The following CNTNAP5 variants were observed in gnomAD, a reference collection of about 807,000 sequenced individuals.
The protein encoded by CNTNAP5 is contactin associated protein family member 5, also known as contactin-associated protein-like 5.
A neutral mutation model predicts 150.2 loss-of-function variants in CNTNAP5; 72 were observed. The observed-to-expected ratio is 0.48, with a 90% CI of 0.40 to 0.58. The LOEUF (loss-of-function observed/expected upper bound fraction) is 0.58, where lower values mean the gene tolerates loss of function less well. Among genes scored for constraint, CNTNAP5 ranks in the 20% least tolerant of loss-of-function variants. The pLI, the probability that CNTNAP5 is intolerant of heterozygous loss-of-function variation, is 0.00. For missense variants in CNTNAP5, 1,636 were observed against 1,626.2 expected (o/e 1.01, Z -0.10); for synonymous variants, 672 against 619.8 (o/e 1.08, Z -1.25).
At chr2:124,285,012 G>A (rs934711766) in intron 3 of CNTNAP5, among the ~76,000 whole-genome samples, 1 of 152,220 alleles carries the variant, frequency 6.6e-6, no homozygotes, top group Admixed American at 6.5e-5. Flanking sequence ...CAATCTCCTC[G>A]GCTCAAGCAG....
chr2:124,906,038 C>G (rs1263789143), intron 22 of CNTNAP5, among the ~76,000 whole-genome samples: 1 of 152,038 alleles, frequency 6.6e-6, no homozygotes, highest in Non-Finnish European at 1.5e-5. Flanking sequence ...TCAGCTAGCC[C>G]TGAGAGGGGC....
chr2:124,783,231 T>C (rs1317322818), intron 17 of CNTNAP5, among the ~76,000 whole-genome samples: 1 of 152,140 alleles, frequency 6.6e-6, no homozygotes, highest in Non-Finnish European at 1.5e-5. Flanking sequence ...CCTGTGCACT[T>C]TTGCATTTGT....
In CNTNAP5 at chr2:124,707,054, G is replaced by A. The variant is rs185246805; in HGVS notation, c.2078-40175G>A. On this transcript the variant is annotated intron_variant, in intron 13 of 23. Transcript: ENST00000682447. ...GAAGAAGAAGAAGGAGGAGGAGGAGGAGGAGGAGAGGAAGAGGAAGAAGAA... is the reference window on the plus strand; with the variant it reads ...GAAGAAGAAGAAGGAGGAGGAGGAGAAGGAGGAGAGGAAGAGGAAGAAGAA... Among the ~76,000 whole-genome samples, 174 of 96,350 alleles carry A rather than the reference G, an allele frequency of 1.8e-3. 6 individuals are homozygous for A. Among genetic ancestry groups the A allele is most frequent in the African/African-American group, 6.2e-3 (168 of 27,156 alleles). 63.2% of individuals were successfully genotyped at this position (96,350 alleles called of 152,430 possible). A position where few individuals can be genotyped will look rare whatever the true frequency, so the allele number is the denominator to read the frequency against.
intron 11 of CNTNAP5, among the ~76,000 whole-genome samples, chr2:124,597,652 G>A (rs1696861017): frequency 6.7e-6 from 1 of 149,830 alleles, no homozygotes; most frequent in Non-Finnish European, 1.5e-5. Flanking sequence ...GAGTATCTTT[G>A]TGGCGTTCTC....
chr2:124,410,845 CA>C (rs1185381661), intron 3 of CNTNAP5, among the ~76,000 whole-genome samples: 2 of 150,096 alleles, frequency 1.3e-5, no homozygotes, highest in African/African-American at 2.4e-5. Context: ...CAAACACATT[CA>C]AAAGCTAGCA....
intron 11 of CNTNAP5, among the ~76,000 whole-genome samples, chr2:124,568,772 G>A (rs1454143684): frequency 7.2e-5 from 11 of 152,156 alleles, no homozygotes; most frequent in African/African-American, 2.4e-4. Context: ...CTGGCCGGGC[G>A]CGGTGGCTCA....
chr2:124,234,557 T>G (rs996775585), intron 2 of CNTNAP5, among the ~76,000 whole-genome samples: 3 of 152,190 alleles, frequency 2.0e-5, no homozygotes, highest in Non-Finnish European at 2.9e-5. Flanking sequence ...CCAAGTTTTT[T>G]AAAATGCCTG....
intron 3 of CNTNAP5, among the ~76,000 whole-genome samples, chr2:124,367,797 T>C (rs1022571904): frequency 6.6e-6 from 1 of 152,210 alleles, no homozygotes; most frequent in African/African-American, 2.4e-5. Context: ...GCTAACTCTT[T>C]TATTATGGCT....
At chr2:124,902,525 G>A (rs1678434588) in intron 21 of CNTNAP5, among the ~76,000 whole-genome samples, 2 of 152,164 alleles carry the variant, frequency 1.3e-5, no homozygotes, top group African/African-American at 4.8e-5. Context: ...AAAGATAAAT[G>A]ATGATGCAGA....
intron 3 of CNTNAP5, among the ~76,000 whole-genome samples, chr2:124,327,344 C>T (rs1689245079): frequency 6.6e-6 from 1 of 152,128 alleles, no homozygotes; most frequent in South Asian, 2.1e-4. Context: ...TATACAAATA[C>T]TTGTAAACAA....
At chr2:124,432,590 G>A (rs1391504070) in intron 4 of CNTNAP5, among the ~76,000 whole-genome samples, 1 of 152,136 alleles carries the variant, frequency 6.6e-6, no homozygotes, top group Non-Finnish European at 1.5e-5. Context: ...GGGCACTACA[G>A]GGGCTACCTA....
rs1314464236 is a variant in CNTNAP5 at position 124,707,064 on chromosome 2, G to GGAAGAAGAA, written c.2078-40160_2078-40159insAGAAGAAGA. ...AAGGAGGAGGAGGAGGAGGAGGAGA[G>GGAAGAAGAA]GAAGAGGAAGAAGAAGAAGAGGAAG... is the stretch of plus-strand genomic sequence containing the variant. On this transcript the variant is annotated intron_variant, in intron 13 of 23. Transcript: ENST00000682447. Among the ~76,000 whole-genome samples the GGAAGAAGAA allele has an allele frequency of 1.2e-3, 121 of 97,186 alleles. 1 individual carries two copies. Among genetic ancestry groups the GGAAGAAGAA allele is most frequent in the Admixed American group, 1.9e-3 (17 of 9,132 alleles). 63.8% of individuals were successfully genotyped at this position (97,186 alleles called of 152,430 possible).
chr2:124,474,658 C>T, intron 6 of CNTNAP5, 81 bp from the exon 7 acceptor site: 1 of 1,262,560 alleles, frequency 7.9e-7, no homozygotes, highest in Non-Finnish European at 1.1e-6. Flanking sequence ...TTGAATCTAC[C>T]AAAAACGCAC....
At chr2:124,586,403 C>T (rs981895536) in intron 11 of CNTNAP5, among the ~76,000 whole-genome samples, 3 of 152,180 alleles carry the variant, frequency 2.0e-5, no homozygotes, top group Non-Finnish European at 2.9e-5. Flanking sequence ...TACTATCCAG[C>T]GGAGCCAGGA....
chr2:124,134,468 C>G (rs1473778039), intron 1 of CNTNAP5, among the ~76,000 whole-genome samples: 1 of 152,116 alleles, frequency 6.6e-6, no homozygotes, highest in Non-Finnish European at 1.5e-5. Flanking sequence ...AAACAACATT[C>G]TATTATAAGA....
chr2:124,292,780 T>G (rs1688332768), intron 3 of CNTNAP5, among the ~76,000 whole-genome samples: 1 of 152,126 alleles, frequency 6.6e-6, no homozygotes, highest in Admixed American at 6.6e-5. Context: ...ATCAATGTTT[T>G]TCTGAATTTT....
At chr2:124,319,828 T>G (rs1689056057) in intron 3 of CNTNAP5, among the ~76,000 whole-genome samples, 1 of 152,216 alleles carries the variant, frequency 6.6e-6, no homozygotes, top group African/African-American at 2.4e-5. Flanking sequence ...TTGCCTCAAG[T>G]GAAAACCACT....
chr2:124,353,383 TTC>T (rs1689922413), intron 3 of CNTNAP5, among the ~76,000 whole-genome samples: 1 of 151,440 alleles, frequency 6.6e-6, no homozygotes, highest in Non-Finnish European at 1.5e-5. Context: ...GAGATTTTTT[TTC>T]TTTGTTTTTT....
chr2:124,795,677 C>T (rs555798950), intron 18 of CNTNAP5, among the ~76,000 whole-genome samples: 40 of 152,194 alleles, frequency 2.6e-4, no homozygotes, highest in African/African-American at 9.4e-4. Flanking sequence ...GCCAACACAC[C>T]CAGCTAATTT....
Sources: gnomAD v4.1 joint callset for allele counts (sites outside exome capture counted in the v4.1 genomes callset) on GRCh38, gnomAD v4.1.1 for gene constraint, MANE v1.5 for transcripts, NCBI Gene and HGNC (gene_info 2026-07-23, HGNC 2026-07-21) for gene names.